MARK4: variants seen among roughly 807,000 people sequenced by gnomAD.
MARK4 encodes MAP/microtubule affinity-regulating kinase 4.
Under a neutral mutation model 81.5 loss-of-function variants are expected in MARK4, and 19 were observed. The ratio of observed to expected loss-of-function variants is 0.23; its 90% CI spans 0.16 to 0.34. The LOEUF (loss-of-function observed/expected upper bound fraction) is 0.34, where lower values mean the gene tolerates loss of function less well. Ranked by LOEUF, MARK4 falls within the 10% of genes least tolerant of loss-of-function variation. MARK4 has a pLI of 1.00. For missense variants in MARK4, 772 were observed against 1,058.8 expected, an observed-to-expected ratio of 0.73 and a Z score of 3.76; for synonymous variants, 436 against 439.0, an observed-to-expected ratio of 0.99 and a Z score of 0.08.
intron 1 of MARK4, among the ~76,000 whole-genome samples, chr19:45,252,110 G>T (rs117955557): frequency 0.18 from 28,001 of 151,672 alleles, 3,306 homozygotes; most frequent in South Asian, 0.26. Context: ...GCTGGGTGCC[G>T]GCTCCCCAGG....
At chr19:45,289,411 A>G (rs1032751468) in intron 13 of MARK4, among the ~76,000 whole-genome samples, 32 of 145,088 alleles carry the variant, frequency 2.2e-4, no homozygotes, top group Non-Finnish European at 3.9e-4. Context: ...AAAAAAAAGC[A>G]TGGGTCACCA....
intron 8 of MARK4, among the ~76,000 whole-genome samples, chr19:45,273,956 A>G (rs918798966): frequency 5.3e-5 from 8 of 152,228 alleles, no homozygotes; most frequent in Admixed American, 1.3e-4. Context: ...TCATAAAGGT[A>G]CCAACCCTGT....
At chr19:45,258,049 G>A (rs915913977) in intron 1 of MARK4, among the ~76,000 whole-genome samples, 9 of 146,712 alleles carry the variant, frequency 6.1e-5, no homozygotes, top group African/African-American at 1.0e-4. Flanking sequence ...GCAGTAGAGC[G>A]ATCTCGGCTC....
chr19:45,294,733 G>A (rs1970864570), intron 14 of MARK4, among the ~76,000 whole-genome samples: 1 of 152,142 alleles, frequency 6.6e-6, no homozygotes, highest in African/African-American at 2.4e-5. Context: ...TTTAGAACTC[G>A]AGAGAAGCCC....
intron 1 of MARK4, among the ~76,000 whole-genome samples, chr19:45,255,515 C>T (rs189211883): frequency 8.6e-4 from 121 of 140,934 alleles, no homozygotes; most frequent in African/African-American, 3.1e-3. Context: ...GAGTTGAGAT[C>T]GTGCCATTGC....
At chr19:45,299,457 T>C (rs917809024) in intron 15 of MARK4, among the ~76,000 whole-genome samples, 2 of 152,110 alleles carry the variant, frequency 1.3e-5, no homozygotes, top group Non-Finnish European at 2.9e-5. Flanking sequence ...AGGTGTTGTT[T>C]GAGCAAAGCA....
Position 45,271,396 on chromosome 19 carries a change from T to C in MARK4, c.550-76T>C. 6.9e-7 allele frequency: 1 copy of C among 1,440,948 alleles called. No individual in the cohort carries two copies. 89.3% of individuals were successfully genotyped at this position (1,440,948 alleles called of 1,614,324 possible). A position where few individuals can be genotyped will look rare whatever the true frequency, so the allele number is the denominator to read the frequency against. Reference sequence around the variant, plus strand: ...TGTGGGCCAGCCCTAGAGCCTGTGCTCCTGTCTGCCTCCCACGTCCATGAA... The same window carrying C: ...TGTGGGCCAGCCCTAGAGCCTGTGCCCCTGTCTGCCTCCCACGTCCATGAA... On this transcript the variant is annotated intron_variant, in intron 7 of 16. Coordinates refer to ENST00000262891, the MANE Select transcript of MARK4 (RefSeq NM_001199867.2). This position sits in a 1 kb window ranked among gnomAD's most constrained non-coding sequence, Gnocchi z 4.1.
chr19:45,274,990 G>T (rs375304681), intron 8 of MARK4, among the ~76,000 whole-genome samples: 3 of 152,198 alleles, frequency 2.0e-5, no homozygotes, highest in Non-Finnish European at 2.9e-5. Flanking sequence ...GACAGGTGTC[G>T]TGGCTCATGC....
chr19:45,288,931 ACT>A (rs1455031211), intron 13 of MARK4, among the ~76,000 whole-genome samples: 1 of 148,392 alleles, frequency 6.7e-6, no homozygotes, highest in Non-Finnish European at 1.5e-5. Flanking sequence ...ATTCGGTCCC[ACT>A]CCCTGCTCTT....
In MARK4 at chr19:45,264,755, C is replaced by T; in HGVS notation, c.421+6C>T. 3 of 1,613,966 alleles carry T rather than the reference C, an allele frequency of 1.9e-6. No individual in the cohort carries two copies. The highest frequency in any genetic ancestry group is 2.2e-5 in the South Asian group (2 of 91,088). ...GATGGAGTACGCAAGTGCTGGTGAG[C>T]CGCCCACCCTCTCCGCCCTGCCCCT... On this transcript the variant is annotated splice_donor_region_variant and intron_variant, in intron 5 of 16. Coordinates refer to ENST00000262891, the MANE Select transcript of MARK4 (RefSeq NM_001199867.2).
chr19:45,263,762 AAGTT>A (rs1490791915), intron 4 of MARK4, among the ~76,000 whole-genome samples: 1 of 151,546 alleles, frequency 6.6e-6, no homozygotes, highest in African/African-American at 2.4e-5. Flanking sequence ...AAAAAAGAAA[AAGTT>A]AGAGACCTGG....
chr19:45,267,704 A>G (rs547062307), intron 7 of MARK4, among the ~76,000 whole-genome samples: 2 of 152,308 alleles, frequency 1.3e-5, no homozygotes, highest in South Asian at 4.1e-4. Flanking sequence ...TTTGTTGCCC[A>G]TACTGAAGTG....
In MARK4 at chr19:45,277,868, T is replaced by A. The variant is rs533200374; in HGVS notation, c.787-55T>A. The A allele has an allele frequency of 8.0e-6, 11 of 1,366,978 alleles. No individual in the cohort carries two copies. The South Asian group carries it at 9.1e-5, about 11-fold the overall frequency. The allele number at this position is 1,366,978 out of a possible 1,614,324, so 84.7% of individuals were successfully genotyped here. ...GTGTGTGTGTGTGTGTGTGTGTGTGTGTAATAGGTGGGGGGCGGGGCAGAC... is the reference window on the plus strand; with the variant it reads ...GTGTGTGTGTGTGTGTGTGTGTGTGAGTAATAGGTGGGGGGCGGGGCAGAC... On this transcript the variant is annotated intron_variant, in intron 8 of 16. Transcript: ENST00000262891.
chr19:45,254,723 C>T (rs1970286023), intron 1 of MARK4, among the ~76,000 whole-genome samples: 1 of 152,228 alleles, frequency 6.6e-6, no homozygotes, highest in African/African-American at 2.4e-5. Flanking sequence ...AACTGCCCAG[C>T]TGTGGGGAGG....
At chr19:45,287,284 A>G (rs1231879238) in intron 12 of MARK4, among the ~76,000 whole-genome samples, 163 bp from the exon 13 acceptor site, 9 of 152,016 alleles carry the variant, frequency 5.9e-5, no homozygotes, top group Admixed American at 5.9e-4. Flanking sequence ...CTAAGTCAGT[A>G]TATGTGCGTT....
chr19:45,264,964 C>T lies in MARK4; in HGVS notation c.492+54C>T, dbSNP rs373844257. The T allele has an allele frequency of 1.3e-4, 206 of 1,573,632 alleles. 1 individual carries two copies. The African/African-American group carries it at 1.9e-3, about 14-fold the overall frequency. On this transcript the variant is annotated intron_variant, in intron 6 of 16. Coordinates refer to ENST00000262891, the MANE Select transcript of MARK4 (RefSeq NM_001199867.2). ...CTGGGTGCCTGGGTCCCTGGGAGGG[C>T]GTCTGAGAGCTGGGCATGGTCTGGG...
At chr19:45,278,945 G>A (rs906569059) in intron 10 of MARK4, among the ~76,000 whole-genome samples, 6 of 152,118 alleles carry the variant, frequency 3.9e-5, no homozygotes, top group Non-Finnish European at 2.9e-5. Context: ...GAGACCAGGC[G>A]AGGTGGTTCA....
chr19:45,298,330 C>A lies in MARK4; in HGVS notation c.1877+376C>A. ...GGCTCTGTGGATGTGAGGGTCTGTGCGTGGGGTCTGGTTGTTCATTTACTC... is the reference window on the plus strand; with the variant it reads ...GGCTCTGTGGATGTGAGGGTCTGTGAGTGGGGTCTGGTTGTTCATTTACTC... On this transcript the variant is annotated intron_variant, in intron 15 of 16. Coordinates refer to ENST00000262891, the MANE Select transcript of MARK4 (RefSeq NM_001199867.2). The A allele has an allele frequency of 2.3e-6, 1 of 442,672 alleles. No individual in the cohort carries two copies. The highest frequency in any genetic ancestry group is 4.2e-5 in the South Asian group (1 of 23,624). 27.4% of individuals were successfully genotyped at this position (442,672 alleles called of 1,614,324 possible).
intron 8 of MARK4, 84 bp from the exon 9 acceptor site, chr19:45,277,838 TG>T (rs1970620422): frequency 9.0e-7 from 1 of 1,115,894 alleles, no homozygotes; most frequent in East Asian, 2.5e-5. Flanking sequence ...TGTGTGTGTG[TG>T]TGTGTGTGTG....
Sources: allele counts gnomAD v4.1 joint callset (sites outside exome capture counted in the v4.1 genomes callset), GRCh38; gene constraint gnomAD v4.1.1; non-coding constraint Gnocchi (gnomAD v3.1); transcripts MANE v1.5; gene names NCBI Gene and HGNC (gene_info 2026-07-23, HGNC 2026-07-21).